The following TUFT1 variants were observed in gnomAD, a reference collection of about 807,000 sequenced individuals.
TUFT1 encodes tuftelin 1, also known as tuftelin.
Under a neutral mutation model 57.8 loss-of-function variants are expected in TUFT1, and 43 were observed. That is an observed-to-expected ratio of 0.74 (90% CI 0.58 to 0.96). The LOEUF is 0.96. TUFT1 is among the 40% of genes least tolerant of loss of function. The pLI is 0.00. For missense variants in TUFT1, 459 were observed against 489.0 expected (o/e 0.94, Z 0.58); for synonymous variants, 166 against 176.7 (o/e 0.94, Z 0.48).
At chr1:151,578,569 G>T in intron 9 of TUFT1, 152 bp from the exon 10 acceptor site, 1 of 544,012 alleles carries the variant, frequency 1.8e-6, no homozygotes. Flanking sequence ...ATATTCTAAG[G>T]TACCCACCAC....
intron 1 of TUFT1, among the ~76,000 whole-genome samples, chr1:151,541,575 T>C (rs1665168384): frequency 6.6e-6 from 1 of 152,222 alleles, no homozygotes; most frequent in South Asian, 2.1e-4. Flanking sequence ...GAGGTAGAGC[T>C]AACCCAACTG....
chr1:151,570,489 C>T (rs1015560424), intron 7 of TUFT1, among the ~76,000 whole-genome samples: 6 of 152,004 alleles, frequency 3.9e-5, no homozygotes, highest in Non-Finnish European at 8.8e-5. Flanking sequence ...ACCATGTTGG[C>T]CAGGATGGTC....
intron 7 of TUFT1, among the ~76,000 whole-genome samples, chr1:151,572,518 AT>A (rs1282499894): frequency 1.3e-5 from 2 of 152,062 alleles, no homozygotes; most frequent in African/African-American, 4.8e-5. Flanking sequence ...CATAAATAAA[AT>A]TTTTTTAAAA....
At chr1:151,548,830 AC>A (rs1278846286) in intron 1 of TUFT1, among the ~76,000 whole-genome samples, 1 of 152,016 alleles carries the variant, frequency 6.6e-6, no homozygotes, top group Admixed American at 6.5e-5. Context: ...AGTCCTAGTG[AC>A]CCCTGTAAAA....
At chr1:151,570,034 G>T (rs934282084) in intron 7 of TUFT1, among the ~76,000 whole-genome samples, 2 of 152,220 alleles carry the variant, frequency 1.3e-5, no homozygotes, top group Non-Finnish European at 2.9e-5. Flanking sequence ...ATCTGGGGCA[G>T]CCGGTGATTC....
intron 5 of TUFT1, chr1:151,565,958 G>A (rs747476377): frequency 3.4e-5 from 15 of 436,548 alleles, no homozygotes; most frequent in South Asian, 6.6e-5. Context: ...TTCTTCTTTC[G>A]CTTCGTTCCT....
At chr1:151,562,782 T>C (rs1037364870) in intron 3 of TUFT1, 96 bp downstream of exon 3, 4 of 1,057,066 alleles carry the variant, frequency 3.8e-6, no homozygotes, top group African/African-American at 1.6e-5. Flanking sequence ...AGGGAGCTTG[T>C]GGTTTGATGG....
intron 1 of TUFT1, among the ~76,000 whole-genome samples, chr1:151,545,425 C>G (rs1665304100): frequency 6.6e-6 from 1 of 152,192 alleles, no homozygotes; most frequent in Non-Finnish European, 1.5e-5. Context: ...TTTCTTCATT[C>G]TTAGTTTTCT....
chr1:151,578,027 G>A (rs1397172513), intron 9 of TUFT1, among the ~76,000 whole-genome samples: 2 of 149,382 alleles, frequency 1.3e-5, no homozygotes, highest in East Asian at 3.9e-4. Flanking sequence ...CCCTGTCTCC[G>A]GAAAAAAAAA....
chr1:151,540,341 C>A lies in TUFT1; in HGVS notation c.-26C>A. On this transcript the variant is annotated 5_prime_UTR_variant, in exon 1 of 13. Coordinates refer to ENST00000368849, the MANE Select transcript of TUFT1 (RefSeq NM_020127.3). Reference sequence around the variant, plus strand: ...GCCAGACAGCGGGGTGGACAAGTGGCGTGTGTGCTGCGACCCCGAGGGAAG... The same window carrying A: ...GCCAGACAGCGGGGTGGACAAGTGGAGTGTGTGCTGCGACCCCGAGGGAAG... 6.2e-7 allele frequency: 1 copy of A among 1,613,882 alleles called. No individual in the cohort carries two copies. The highest frequency in any genetic ancestry group is 2.2e-5 in the East Asian group (1 of 44,860).
At chr1:151,557,734 G>A (rs530904966) in intron 1 of TUFT1, 60 of 785,214 alleles carry the variant, frequency 7.6e-5, no homozygotes, top group Non-Finnish European at 1.2e-4. Context: ...TGCTGCAGCC[G>A]TCCAGAGACT....
At chr1:151,553,129 G>T (rs1240651913) in intron 1 of TUFT1, among the ~76,000 whole-genome samples, 1 of 151,354 alleles carries the variant, frequency 6.6e-6, no homozygotes. Context: ...TCTTGCTCTT[G>T]TCCCCAGGCT....
intron 1 of TUFT1, among the ~76,000 whole-genome samples, chr1:151,552,366 C>A (rs1224668530): frequency 6.6e-6 from 1 of 152,170 alleles, no homozygotes; most frequent in African/African-American, 2.4e-5. Flanking sequence ...GAAAGCCTCT[C>A]CTTCACCCTC....
At position 151,545,742 on chromosome 1, in the gene TUFT1, C is replaced by T. The variant is rs534918008; in HGVS notation, c.60+5316C>T. On this transcript the variant is annotated intron_variant, in intron 1 of 12. Coordinates refer to ENST00000368849, the MANE Select transcript of TUFT1 (RefSeq NM_020127.3). ...TCCTTGATGATCCAGGTCCCTCAAC[C>T]AGTGGAGAGTCCCAGGGGTGAGAGG... 2.1e-4 allele frequency: 100 copies of T among 470,900 alleles called. No homozygotes were observed. In the East Asian group the frequency reaches 5.6e-3, roughly 26 times the overall value. The allele number at this position is 470,900 out of a possible 1,614,324, so 29.2% of individuals were successfully genotyped here.
At chr1:151,569,925 C>T (rs530151600) in intron 7 of TUFT1, 155 bp downstream of exon 7, 4 of 641,056 alleles carry the variant, frequency 6.2e-6, no homozygotes, top group Admixed American at 5.2e-5. Flanking sequence ...TCTGCTTTTC[C>T]CTCTCCTGGA....
Position 151,581,813 on chromosome 1 carries a change from C to T in TUFT1, c.*106C>T. ...CTTTGACTTCCTGACTGTCCCCTGG[C>T]TGCACCCAGGACTTCGGGCTCCTGT... On this transcript the variant is annotated 3_prime_UTR_variant, in exon 13 of 13. Coordinates refer to ENST00000368849, the MANE Select transcript of TUFT1 (RefSeq NM_020127.3). 8.0e-7 allele frequency: 1 copy of T among 1,244,062 alleles called. No individual in the cohort carries two copies. Among genetic ancestry groups the T allele is most frequent in the Non-Finnish European group, 1.2e-6 (1 of 857,844 alleles). 77.1% of individuals were successfully genotyped at this position (1,244,062 alleles called of 1,614,324 possible).
Position 151,569,637 on chromosome 1 carries a change from C to T in TUFT1, c.481-20C>T, listed in dbSNP as rs1287304434. 6.2e-7 allele frequency: 1 copy of T among 1,605,988 alleles called. No homozygotes were observed. Among genetic ancestry groups the T allele is most frequent in the Non-Finnish European group, 8.5e-7 (1 of 1,173,286 alleles). On this transcript the variant is annotated intron_variant, in intron 6 of 12. Coordinates refer to ENST00000368849, the MANE Select transcript of TUFT1 (RefSeq NM_020127.3). Reference sequence around the variant, plus strand: ...CAGAAACTTGAGGGCTTCCCCTTCCCTTCCTTGTTCTGGCTGTAGGTGGAC... The same window carrying T: ...CAGAAACTTGAGGGCTTCCCCTTCCTTTCCTTGTTCTGGCTGTAGGTGGAC...
rs569999985 is a variant in TUFT1 at position 151,562,103 on chromosome 1, A to G, written c.73A>G (p.Ile25Val). The G allele has an allele frequency of 2.5e-6, 4 of 1,614,192 alleles. No individual in the cohort carries two copies. The highest frequency in any genetic ancestry group is 2.7e-5 in the African/African-American group (2 of 75,062). ...TTGTCATTATTAGGGCAGCGTGGAC[A>G]TTCTCAGGCTGACTCTCCAGGGTGA... is the stretch of plus-strand genomic sequence containing the variant. ...PEDQAAGSVD[I>V]LRLTLQGELT... Residue 25 changes from isoleucine to valine, a missense_variant, in exon 2 of 13, where the codon ATT becomes GTT. Coordinates refer to ENST00000368849, the MANE Select transcript of TUFT1 (RefSeq NM_020127.3).
intron 7 of TUFT1, among the ~76,000 whole-genome samples, chr1:151,570,212 G>A (rs909684982): frequency 1.4e-4 from 22 of 152,184 alleles, no homozygotes; most frequent in Admixed American, 3.3e-4. Flanking sequence ...CTAAATCTGT[G>A]TTGTTGTAGA....
Sources: allele counts gnomAD v4.1 joint callset (sites outside exome capture counted in the v4.1 genomes callset), GRCh38; gene constraint gnomAD v4.1.1; transcripts MANE v1.5; gene names NCBI Gene and HGNC (gene_info 2026-07-23, HGNC 2026-07-21).